The following EIF4G3 variants were observed in gnomAD, a reference collection of about 807,000 sequenced individuals.
EIF4G3 encodes the protein eukaryotic translation initiation factor 4 gamma 3.
Under a neutral mutation model 186.4 loss-of-function variants are expected in EIF4G3, and 34 were observed. The observed-to-expected ratio is 0.18, with a 90% CI of 0.14 to 0.24. EIF4G3 has a LOEUF of 0.24. Ranked by LOEUF, EIF4G3 falls within the 10% of genes least tolerant of loss-of-function variation. The pLI is 1.00. For synonymous variants in EIF4G3, 673 were observed against 679.5 expected, an observed-to-expected ratio of 0.99 and a Z score of 0.15; for missense variants, 1,536 against 1,948.5, an observed-to-expected ratio of 0.79 and a Z score of 3.99.
At chr1:20,997,569 A>G in intron 7 of EIF4G3, 32 bp downstream of exon 7, 1 of 1,546,964 alleles carries the variant, frequency 6.5e-7, no homozygotes, top group South Asian at 1.2e-5. Flanking sequence ...CTATTAGTTA[A>G]GGGTGATAGT....
At chr1:21,171,879 C>G (rs2097981306) in intron 2 of EIF4G3, among the ~76,000 whole-genome samples, 1 of 151,978 alleles carries the variant, frequency 6.6e-6, no homozygotes, top group Non-Finnish European at 1.5e-5. Context: ...TCTCAATACA[C>G]CAAGGTAAAT....
At chr1:21,104,278 A>G (rs1178433631) in intron 2 of EIF4G3, among the ~76,000 whole-genome samples, 1 of 152,310 alleles carries the variant, frequency 6.6e-6, no homozygotes, top group South Asian at 2.1e-4. Context: ...TCCTCAACAA[A>G]TATTTTATGA....
intron 4 of EIF4G3, among the ~76,000 whole-genome samples, chr1:21,027,209 T>TG (rs2092249207): frequency 6.7e-6 from 1 of 150,088 alleles, no homozygotes; most frequent in East Asian, 2.0e-4. Flanking sequence ...TTTTTTTTTT[T>TG]TGAGACAGAG....
chr1:20,941,346 C>T, intron 14 of EIF4G3, 145 bp downstream of exon 14: 1 of 1,582,444 alleles, frequency 6.3e-7, no homozygotes, highest in Non-Finnish European at 8.6e-7. Context: ...AAAACACAAA[C>T]ACACCACTGA....
chr1:21,095,923 A>G (rs1175768295), intron 2 of EIF4G3, among the ~76,000 whole-genome samples: 4 of 152,234 alleles, frequency 2.6e-5, no homozygotes, highest in Non-Finnish European at 4.4e-5. Flanking sequence ...TCATATGCAA[A>G]AATGAATGAT....
intron 2 of EIF4G3, among the ~76,000 whole-genome samples, chr1:21,101,933 C>T (rs777145924): frequency 1.7e-4 from 26 of 152,002 alleles, no homozygotes; most frequent in Non-Finnish European, 3.5e-4. Context: ...GCTCGGCCAT[C>T]TGTTAAAGTT....
intron 2 of EIF4G3, among the ~76,000 whole-genome samples, chr1:21,105,556 CATAAAAA>C (rs748389920): frequency 2.2e-4 from 34 of 151,242 alleles, no homozygotes; most frequent in Non-Finnish European, 4.1e-4. Flanking sequence ...AAATAAAATA[CATAAAAA>C]ATAAAATAGT....
intron 35 of EIF4G3, 118 bp downstream of exon 35, chr1:20,813,040 A>G: frequency 2.9e-6 from 2 of 689,150 alleles, no homozygotes; most frequent in Non-Finnish European, 5.0e-6. Context: ...GACAGTGCAC[A>G]GAAAAGTGAG....
At chr1:20,998,212 T>TACACACACACAC (rs5772928) in intron 6 of EIF4G3, among the ~76,000 whole-genome samples, 42 of 148,584 alleles carry the variant, frequency 2.8e-4, no homozygotes, top group African/African-American at 6.2e-4. Context: ...TTTATGACTT[T>TACACACACACAC]ACACACACAC....
intron 14 of EIF4G3, among the ~76,000 whole-genome samples, chr1:20,912,209 T>C (rs1360790397): frequency 6.6e-6 from 1 of 152,180 alleles, no homozygotes; most frequent in Admixed American, 6.5e-5. Flanking sequence ...CCTGGGACAT[T>C]GAGGCTGCAG....
At chr1:20,917,225 G>A (rs2093977833) in intron 14 of EIF4G3, among the ~76,000 whole-genome samples, 2 of 152,222 alleles carry the variant, frequency 1.3e-5, no homozygotes, top group Non-Finnish European at 2.9e-5. Context: ...GGCTGGGCAT[G>A]GTGGTTCATG....
Position 21,089,283 on chromosome 1 carries a change from C to T in EIF4G3, c.-271-70G>A, listed in dbSNP as rs925623791. On this transcript the variant is annotated intron_variant, in intron 2 of 36. Transcript: ENST00000602326. ...TAATAGTTAGAGAAAATTGCAACCA[C>T]AAAATTCCACCAACGACCTAAGCAT... The T allele has an allele frequency of 3.1e-5, 22 of 700,636 alleles. No homozygotes were observed. The Admixed American group carries it at 3.4e-4, about 11-fold the overall frequency. 43.4% of individuals were successfully genotyped at this position (700,636 alleles called of 1,614,324 possible).
intron 2 of EIF4G3, among the ~76,000 whole-genome samples, chr1:21,126,262 G>T (rs1042856960): frequency 2.0e-5 from 3 of 149,598 alleles, no homozygotes; most frequent in African/African-American, 7.4e-5. Context: ...CACAGAAAAG[G>T]CAAAAACTTA....
chr1:20,911,436 CT>C (rs2154558246), intron 14 of EIF4G3, among the ~76,000 whole-genome samples: 1 of 151,666 alleles, frequency 6.6e-6, no homozygotes, highest in Admixed American at 6.6e-5. Flanking sequence ...GGGGTACAAG[CT>C]TGTCATCCCA....
intron 7 of EIF4G3, among the ~76,000 whole-genome samples, chr1:20,987,569 G>A (rs554227663): frequency 6.6e-6 from 1 of 152,232 alleles, no homozygotes; most frequent in Non-Finnish European, 1.5e-5. Context: ...TTATGGTGAT[G>A]TGTGATCACT....
intron 14 of EIF4G3, among the ~76,000 whole-genome samples, chr1:20,932,600 A>T (rs2154561312): frequency 6.6e-6 from 1 of 152,234 alleles, no homozygotes; most frequent in Middle Eastern, 3.4e-3. Context: ...TATCTCAGGA[A>T]ATAAGAAGGC....
At chr1:20,998,831 C>A (rs1189217005) in intron 6 of EIF4G3, 3 of 424,774 alleles carry the variant, frequency 7.1e-6, no homozygotes, top group African/African-American at 2.0e-5. Flanking sequence ...TTAATGTAAA[C>A]CATATACAGG....
chr1:20,950,732 T>C (rs1290306373), intron 12 of EIF4G3, among the ~76,000 whole-genome samples: 1 of 152,160 alleles, frequency 6.6e-6, no homozygotes, highest in Non-Finnish European at 1.5e-5. Context: ...GACTAAAATA[T>C]TGGGTTTTTC....
rs114034529 is a variant in EIF4G3, at chr1:21,122,620, G to C, written c.-271-33407C>G. On this transcript the variant is annotated intron_variant, in intron 2 of 36. Transcript: ENST00000602326. ...CTTCAGCAGTTAGCACACTGATACAGAACAGGTCAAACGAGATGTTTTTCA... is the reference window on the plus strand; with the variant it reads ...CTTCAGCAGTTAGCACACTGATACACAACAGGTCAAACGAGATGTTTTTCA... Among the ~76,000 whole-genome samples, 721 of 152,246 alleles carry C rather than the reference G, an allele frequency of 4.7e-3. 7 individuals carry two copies. The highest frequency in any genetic ancestry group is 0.017 in the African/African-American group (698 of 41,558).
Sources: gnomAD v4.1 joint callset for allele counts (sites outside exome capture counted in the v4.1 genomes callset) on GRCh38, gnomAD v4.1.1 for gene constraint, MANE v1.5 for transcripts, NCBI Gene and HGNC (gene_info 2026-07-23, HGNC 2026-07-21) for gene names.